Variants in COL6A3 observed in about 807,000 individuals in gnomAD.
COL6A3 encodes the protein collagen alpha-3(VI) chain.
In COL6A3, 137 loss-of-function variants were observed where a neutral mutation model predicts 274.1. The ratio of observed to expected loss-of-function variants is 0.50; its 90% CI spans 0.44 to 0.58. The LOEUF (loss-of-function observed/expected upper bound fraction) is 0.58, where lower values mean the gene tolerates loss of function less well. COL6A3 is among the 20% of genes least tolerant of loss of function. The pLI is 0.00. For synonymous variants in COL6A3, 1,650 were observed against 1,650.6 expected (o/e 1.00, Z 0.01); for missense variants, 3,950 against 4,124.9 (o/e 0.96, Z 1.16).
intron 8 of COL6A3, among the ~76,000 whole-genome samples, chr2:237,373,088 G>C (rs937780925): frequency 9.2e-5 from 14 of 152,188 alleles, no homozygotes; most frequent in African/African-American, 3.4e-4. Context: ...AGTCAGGTGG[G>C]TCAGGAGAGG....
rs137934735 is a variant in COL6A3, at chr2:237,375,838, C to T, written c.3071-818G>A. ...GATTACAGGTGTGAGCCACCGCACC[C>T]GGCCTGTTTTGTTTTTGGCCACTAA... On this transcript the variant is annotated intron_variant, in intron 7 of 43. Transcript: ENST00000295550. Among the ~76,000 whole-genome samples the T allele has an allele frequency of 4.0e-3, 616 of 152,308 alleles. No homozygotes were observed. The highest frequency in any genetic ancestry group is 5.4e-3 in the Non-Finnish European group (364 of 68,026).
Position 237,369,493 on chromosome 2 carries a change from G to T in COL6A3, c.4286-316C>A, listed in dbSNP as rs141066474. Among the ~76,000 whole-genome samples the T allele has an allele frequency of 3.3e-5, 5 of 152,264 alleles. No individual in the cohort carries two copies. The East Asian group carries it at 9.6e-4, about 29-fold the overall frequency. ...AGGAGCATTTAGAAATCAATCTTGG[G>T]CTACCGTAATCTACAGAATCATGAA... On this transcript the variant is annotated intron_variant, in intron 9 of 43. Coordinates refer to ENST00000295550, the MANE Select transcript of COL6A3 (RefSeq NM_004369.4).
intron 30 of COL6A3, 50 bp downstream of exon 30, chr2:237,348,299 A>C: frequency 1.3e-6 from 2 of 1,494,956 alleles, no homozygotes; most frequent in Non-Finnish European, 1.9e-6. Flanking sequence ...TGGACATACC[A>C]GAGCCATCCC....
chr2:237,388,373 T>C (rs1241692581), intron 3 of COL6A3, among the ~76,000 whole-genome samples, 189 bp from the exon 4 acceptor site: 2 of 152,212 alleles, frequency 1.3e-5, no homozygotes, highest in African/African-American at 4.8e-5. Context: ...AGAGGCAACC[T>C]CTTAGAAATC....
Position 237,337,440 on chromosome 2 carries a change from T to G in COL6A3, c.8568-908A>C, listed in dbSNP as rs111597227. Among the ~76,000 whole-genome samples, 560 of 152,278 alleles carry G rather than the reference T, an allele frequency of 3.7e-3. 7 individuals are homozygous for G. Among genetic ancestry groups the G allele is most frequent in the African/African-American group, 0.013 (522 of 41,564 alleles). Reference sequence around the variant, plus strand: ...GCAATGATATTCATTCTTGCTATGCTGAGATTTAAAGCCACTCCTTCTGAG... The same window carrying G: ...GCAATGATATTCATTCTTGCTATGCGGAGATTTAAAGCCACTCCTTCTGAG... On this transcript the variant is annotated intron_variant, in intron 39 of 43. Transcript: ENST00000295550.
At chr2:237,395,329 A>G (rs111809824) in intron 2 of COL6A3, 125 bp from the exon 3 acceptor site, 1 of 980,078 alleles carries the variant, frequency 1.0e-6, no homozygotes. Context: ...CACCTCACTG[A>G]TAATACAGGA....
intron 30 of COL6A3, 113 bp downstream of exon 30, chr2:237,348,236 T>G (rs1371094630): frequency 1.1e-6 from 1 of 932,014 alleles, no homozygotes; most frequent in African/African-American, 1.7e-5. Flanking sequence ...GTAGCCCAGT[T>G]AACTGAGTGG....
Position 237,364,320 on chromosome 2 carries a change from T to C in COL6A3, c.5917+30A>G. 1 of 1,580,260 alleles carries C rather than the reference T, an allele frequency of 6.3e-7. No individual in the cohort carries two copies. The highest frequency in any genetic ancestry group is 1.1e-5 in the South Asian group (1 of 90,390). Reference sequence around the variant, plus strand: ...TACACCCCGCCTCACCAGGGTTTACTTCTCATATTTAGAAAGCCTTGGCAC... The same window carrying C: ...TACACCCCGCCTCACCAGGGTTTACCTCTCATATTTAGAAAGCCTTGGCAC... On this transcript the variant is annotated intron_variant, in intron 13 of 43. Coordinates refer to ENST00000295550, the MANE Select transcript of COL6A3 (RefSeq NM_004369.4). This position sits in a 1 kb window ranked among gnomAD's most constrained non-coding sequence, Gnocchi z 4.6.
chr2:237,363,598 T>C (rs1238932185), intron 13 of COL6A3, among the ~76,000 whole-genome samples, 200 bp from the exon 14 acceptor site: 1 of 152,238 alleles, frequency 6.6e-6, no homozygotes, highest in African/African-American at 2.4e-5. Flanking sequence ...GTTTCCGGTA[T>C]GTCAATAACT....
chr2:237,373,791 C>T (rs2077758464), intron 8 of COL6A3, among the ~76,000 whole-genome samples: 1 of 152,084 alleles, frequency 6.6e-6, no homozygotes, highest in Non-Finnish European at 1.5e-5. Flanking sequence ...CTTCTCAGCA[C>T]CAGGGCTCCC....
chr2:237,407,758 A>G lies in COL6A3; in HGVS notation c.-31+6195T>C, dbSNP rs2078756756. ...ACGCCACCATGCAAATGTAAAACAC[A>G]TTCCACATTCTGAAATATACGGCAG... On this transcript the variant is annotated intron_variant, in intron 1 of 43. Coordinates refer to ENST00000295550, the MANE Select transcript of COL6A3 (RefSeq NM_004369.4). This position sits in a 1 kb window ranked among gnomAD's most constrained non-coding sequence, Gnocchi z 4.3. Among the ~76,000 whole-genome samples, 1 of 152,268 alleles carries G rather than the reference A, an allele frequency of 6.6e-6. No homozygotes were observed. The highest frequency in any genetic ancestry group is 1.5e-5 in the Non-Finnish European group (1 of 68,042).
intron 23 of COL6A3, 40 bp from the exon 24 acceptor site, chr2:237,354,974 T>C (rs1448244079): frequency 6.3e-7 from 1 of 1,597,234 alleles, no homozygotes; most frequent in South Asian, 1.1e-5. Context: ...AGGGGGAGCA[T>C]GGGACGCTGG....
chr2:237,326,013 T>G (rs889736814), intron 42 of COL6A3: 3 of 280,656 alleles, frequency 1.1e-5, no homozygotes, highest in Admixed American at 4.8e-5. Context: ...TAATTTTAAA[T>G]GAAATGAATT....
rs3790995 is a variant in COL6A3, at chr2:237,351,032, G to A, written c.6816+98C>T. On this transcript the variant is annotated intron_variant, in intron 27 of 43. Transcript: ENST00000295550. ...GGCTGGAGTGGGAACCAGTAGTACT[G>A]AAGAGGAGGGACAGACAGACTGACC... 0.41 allele frequency: 475,986 copies of A among 1,172,816 alleles called. 98,941 individuals are homozygous for A. The highest frequency in any genetic ancestry group is 0.49 in the East Asian group (21,055 of 42,786). The allele number at this position is 1,172,816 out of a possible 1,614,324, so 72.7% of individuals were successfully genotyped here.
intron 5 of COL6A3, 68 bp from the exon 6 acceptor site, chr2:237,379,303 C>T (rs2077941962): frequency 6.4e-7 from 1 of 1,568,942 alleles, no homozygotes; most frequent in Non-Finnish European, 8.8e-7. Flanking sequence ...TGTGTGCCTA[C>T]AACACGTGCA....
chr2:237,362,152 A>G (rs1310884590), intron 14 of COL6A3, among the ~76,000 whole-genome samples: 3 of 152,204 alleles, frequency 2.0e-5, no homozygotes, highest in Non-Finnish European at 4.4e-5. Context: ...TCAGATCTTA[A>G]CTATAACTTA....
intron 27 of COL6A3, 73 bp downstream of exon 27, chr2:237,351,057 C>A (rs1381690897): frequency 1.5e-5 from 21 of 1,434,560 alleles, no homozygotes; most frequent in Middle Eastern, 1.7e-4. Flanking sequence ...ACAGACTGAC[C>A]AAAGAGGGAG....
chr2:237,342,243 G>C, intron 36 of COL6A3, 82 bp from the exon 37 acceptor site: 1 of 1,049,986 alleles, frequency 9.5e-7, no homozygotes, highest in Non-Finnish European at 1.5e-6. Context: ...GTAAATCAAA[G>C]CTACATCAAT....
chr2:237,374,741 C>G lies in COL6A3; in HGVS notation c.3350G>C (p.Arg1117Thr). Residue 1117 changes from arginine to threonine, a missense_variant, in exon 8 of 44, where the codon AGG becomes ACG. By Grantham distance (71) the Arg-to-Thr change is moderately conservative (BLOSUM62 -1). This residue lies in a region of COL6A3 where 1,934 missense variants were observed against 1,984.3 expected (regional missense o/e 0.97). Transcript: ENST00000295550. The surrounding 1 kb of genome is among the most constrained non-coding windows in gnomAD (Gnocchi z 4.8). ...NTGAALEFVL[R>T]NILVSSAGSR... ...TCCCGCAGAGCTGACCAGGATGTTC[C>G]TCAGGACAAACTCCAGGGCGGCCCC... 6.2e-7 allele frequency: 1 copy of G among 1,613,702 alleles called. No individual in the cohort carries two copies. The highest frequency in any genetic ancestry group is 8.5e-7 in the Non-Finnish European group (1 of 1,179,704).
Sources: gnomAD v4.1 joint callset for allele counts (sites outside exome capture counted in the v4.1 genomes callset) on GRCh38, gnomAD v4.1.1 for gene constraint, gnomAD v4.1.1 regional missense constraint, Gnocchi (gnomAD v3.1) non-coding constraint, MANE v1.5 for transcripts, NCBI Gene and HGNC (gene_info 2026-07-23, HGNC 2026-07-21) for gene names.